The following ANXA8 variants were observed in gnomAD, a reference collection of about 807,000 sequenced individuals.
ANXA8 encodes the protein VAC-beta.
ANXA8 carries 9 observed loss-of-function variants against 26.8 expected under a neutral mutation model. The ratio of observed to expected loss-of-function variants is 0.34; its 90% CI spans 0.20 to 0.59. The LOEUF is 0.59. ANXA8 is among the 20% of genes least tolerant of loss of function. The pLI is 0.84. For synonymous variants in ANXA8, 39 were observed against 94.8 expected (o/e 0.41, Z 3.42); for missense variants, 83 against 238.5 (o/e 0.35, Z 4.29).
the ANXA8 span, among the ~76,000 whole-genome samples, chr10:47,939,970 A>G: frequency 7.7e-6 from 1 of 129,296 alleles, no homozygotes; most frequent in East Asian, 2.7e-4. Context: ...GCACCCCCTC[A>G]CTCCCACCCC....
the ANXA8 span, among the ~76,000 whole-genome samples, chr10:47,508,048 C>A: frequency 7.5e-6 from 1 of 132,996 alleles, no homozygotes; most frequent in African/African-American, 2.7e-5. Context: ...GTTTGCGCCA[C>A]TATGCCCAGA....
chr10:47,687,834 T>C, the ANXA8 span, among the ~76,000 whole-genome samples: 1 of 152,006 alleles, frequency 6.6e-6, no homozygotes, highest in Middle Eastern at 3.4e-3. Context: ...GCACGTTGGC[T>C]CACACCTGTA....
the ANXA8 span, among the ~76,000 whole-genome samples, chr10:47,500,499 G>A: frequency 6.6e-6 from 1 of 151,512 alleles, no homozygotes; most frequent in South Asian, 2.1e-4. Context: ...TCTTGCCAGA[G>A]CCTCTTGGTC....
At chr10:47,760,639 A>G in the ANXA8 span, 1 of 750,426 alleles carries the variant, frequency 1.3e-6, no homozygotes, top group Non-Finnish European at 2.1e-6. Context: ...AGCACTTCAT[A>G]AATGAAAGCA....
chr10:47,974,133 G>A, the ANXA8 span, among the ~76,000 whole-genome samples: 6 of 150,850 alleles, frequency 4.0e-5, no homozygotes, highest in African/African-American at 1.5e-4. Flanking sequence ...TCAAGCACAT[G>A]GACTTTGCAG....
chr10:47,776,703 C>T, the ANXA8 span, among the ~76,000 whole-genome samples: 2 of 151,814 alleles, frequency 1.3e-5, no homozygotes, highest in Admixed American at 6.6e-5. Flanking sequence ...GCATACACCC[C>T]TCTTCTAAGA....
the ANXA8 span, among the ~76,000 whole-genome samples, chr10:47,511,411 T>C: frequency 7.3e-5 from 10 of 137,010 alleles, 1 homozygote; most frequent in African/African-American, 2.4e-4. Context: ...TCAGGGGCTC[T>C]GTGTGCCAGG....
the ANXA8 span, among the ~76,000 whole-genome samples, chr10:47,695,649 T>C: frequency 2.6e-5 from 4 of 151,878 alleles, no homozygotes; most frequent in East Asian, 5.8e-4. Context: ...ATCCTTGGTT[T>C]TCTTTCCTAT....
the ANXA8 span, among the ~76,000 whole-genome samples, chr10:47,736,378 G>C: frequency 7.9e-5 from 6 of 75,636 alleles, no homozygotes; most frequent in South Asian, 2.9e-3. Flanking sequence ...CCAGTATCTA[G>C]TGTGTACTTT....
At chr10:47,743,386 G>A in the ANXA8 span, among the ~76,000 whole-genome samples, 102 of 56,536 alleles carry the variant, frequency 1.8e-3, 1 homozygote, top group Admixed American at 4.2e-3. Context: ...ATATGTGTGT[G>A]TGTGTGTGTG....
chr10:47,514,023 A>G, the ANXA8 span, among the ~76,000 whole-genome samples: 2 of 141,108 alleles, frequency 1.4e-5, no homozygotes, highest in Non-Finnish European at 3.1e-5. Flanking sequence ...CAACAGAAAC[A>G]AATAGGTGAG....
chr10:47,572,219 C>G, the ANXA8 span, among the ~76,000 whole-genome samples: 8 of 145,856 alleles, frequency 5.5e-5, no homozygotes, highest in African/African-American at 2.1e-4. Context: ...TTTGAAAGGT[C>G]GGTGTTCATT....
chr10:47,958,501 C>T, the ANXA8 span, among the ~76,000 whole-genome samples: 1 of 147,192 alleles, frequency 6.8e-6, no homozygotes, highest in East Asian at 2.1e-4. Flanking sequence ...GTGTCATCTC[C>T]ACCACTGGCT....
the ANXA8 span, among the ~76,000 whole-genome samples, chr10:47,954,215 A>G: frequency 6.6e-6 from 1 of 150,938 alleles, no homozygotes; most frequent in Non-Finnish European, 1.5e-5. Context: ...CAGCCATAAA[A>G]AAGAATAAGA....
the ANXA8 span, among the ~76,000 whole-genome samples, chr10:47,956,760 C>T: frequency 2.0e-5 from 3 of 150,022 alleles, no homozygotes; most frequent in Non-Finnish European, 4.4e-5. Context: ...TGGCTCACTG[C>T]GTCTTACCTT....
chr10:47,589,906 T>TAGAC, the ANXA8 span, among the ~76,000 whole-genome samples: 2 of 118,850 alleles, frequency 1.7e-5, no homozygotes, highest in Non-Finnish European at 3.6e-5. Flanking sequence ...AGATAGATGA[T>TAGAC]AGATAGATAG....
At chr10:47,932,582 TGGGATG>T in the ANXA8 span, among the ~76,000 whole-genome samples, 1 of 136,050 alleles carries the variant, frequency 7.4e-6, no homozygotes, top group Non-Finnish European at 1.6e-5. Context: ...TAACCCACAA[TGGGATG>T]GTATGTGGAG....
chr10:47,951,287 C>T, the ANXA8 span, among the ~76,000 whole-genome samples: 7 of 150,856 alleles, frequency 4.6e-5, 1 homozygote, highest in Non-Finnish European at 7.4e-5. Context: ...AAGAAATTAA[C>T]TTTGTAATTA....
the ANXA8 span, among the ~76,000 whole-genome samples, chr10:47,567,093 T>C: frequency 2.2e-5 from 3 of 136,240 alleles, no homozygotes; most frequent in Admixed American, 1.4e-4. Flanking sequence ...AGGGGCTCCA[T>C]GAGCAGGTGC....
Sources: allele counts gnomAD v4.1 joint callset (sites outside exome capture counted in the v4.1 genomes callset), GRCh38; gene constraint gnomAD v4.1.1; transcripts MANE v1.5; gene names NCBI Gene and HGNC (gene_info 2026-07-23, HGNC 2026-07-21).